MSN: variants seen among roughly 807,000 people sequenced by gnomAD.
The protein encoded by MSN is epididymis luminal protein 70.
Under a neutral mutation model 48.0 loss-of-function variants are expected in MSN, and 2 were observed. The ratio of observed to expected loss-of-function variants is 0.04; its 90% confidence interval spans 0.02 to 0.13. The LOEUF is 0.13. Ranked by LOEUF, MSN falls within the 10% of genes least tolerant of loss-of-function variation. The pLI, the probability that MSN is intolerant of heterozygous loss-of-function variation, is 1.00. For synonymous variants in MSN, 146 were observed against 166.9 expected (o/e 0.87, Z 0.97); for missense variants, 267 against 470.1 (o/e 0.57, Z 3.99).
At chrX:65,633,771 A>C (rs1176575088) in intron 1 of MSN, among the ~76,000 whole-genome samples, 1 of 112,385 alleles carries the variant, frequency 8.9e-6, no homozygotes, top group African/African-American at 3.2e-5. Context: ...TTGTAATAAT[A>C]GGAAGGAACC....
At chrX:65,727,543 A>G (rs186707163) in intron 2 of MSN, among the ~76,000 whole-genome samples, 94 of 112,107 alleles carry the variant, frequency 8.4e-4, no homozygotes, top group African/African-American at 2.9e-3. Context: ...TAGGGGTATT[A>G]TGAAAATTAA....
chrX:65,683,393 G>GCCACCA (rs535010759), intron 1 of MSN, among the ~76,000 whole-genome samples: 254 of 91,306 alleles, frequency 2.8e-3, no homozygotes, highest in East Asian at 6.9e-3. Flanking sequence ...TGCCGCCGCC[G>GCCACCA]CCACCACCAC....
intron 1 of MSN, among the ~76,000 whole-genome samples, chrX:65,696,544 G>C (rs1330349057): frequency 9.0e-6 from 1 of 110,777 alleles, no homozygotes; most frequent in Non-Finnish European, 1.9e-5. Flanking sequence ...GAAAAAACTA[G>C]ACCAAACATT....
intron 1 of MSN, among the ~76,000 whole-genome samples, chrX:65,644,119 C>A (rs966742240): frequency 8.9e-6 from 1 of 112,017 alleles, no homozygotes; most frequent in Non-Finnish European, 1.9e-5. Context: ...CAAAAGGGCT[C>A]AGTGATATGT....
intron 1 of MSN, among the ~76,000 whole-genome samples, chrX:65,649,531 A>G (rs1315235374): frequency 9.8e-6 from 1 of 101,894 alleles, no homozygotes; most frequent in African/African-American, 3.6e-5. Flanking sequence ...AGCCGAGATC[A>G]TGCCACTGTG....
chrX:65,733,407 C>T (rs757561441), intron 7 of MSN, 127 bp downstream of exon 7: 10 of 510,724 alleles, frequency 2.0e-5, no homozygotes, highest in South Asian at 1.0e-4. Context: ...CGCATGTGCA[C>T]GAACAGGAAG....
At chrX:65,719,809 C>A (rs775857019) in intron 2 of MSN, among the ~76,000 whole-genome samples, 1 of 111,727 alleles carries the variant, frequency 9.0e-6, no homozygotes, top group African/African-American at 3.2e-5. Flanking sequence ...ATGTGCATTG[C>A]AGGGGGATGG....
At chrX:65,666,500 G>A (rs1319382576), upstream of MSN, among the ~76,000 whole-genome samples, 2 of 109,966 alleles carry the variant, frequency 1.8e-5, no homozygotes, top group East Asian at 2.8e-4. Flanking sequence ...TGTAATTTTA[G>A]TAGAGACGGG....
At chrX:65,623,927 G>A (rs897996451) in intron 1 of MSN, among the ~76,000 whole-genome samples, 1 of 110,490 alleles carries the variant, frequency 9.1e-6, no homozygotes, top group Non-Finnish European at 1.9e-5. Flanking sequence ...GGTAGGTTAA[G>A]ATTTTCTATT....
At chrX:65,637,675 C>A (rs948672926) in intron 1 of MSN, among the ~76,000 whole-genome samples, 1 of 109,059 alleles carries the variant, frequency 9.2e-6, no homozygotes, top group Non-Finnish European at 1.9e-5. Context: ...TCCCTCAGTT[C>A]ATTCATGTCT....
At chrX:65,725,791 A>G (rs1397747189) in intron 2 of MSN, among the ~76,000 whole-genome samples, 1 of 111,873 alleles carries the variant, frequency 8.9e-6, no homozygotes, top group Non-Finnish European at 1.9e-5. Flanking sequence ...GATCTTTTCT[A>G]AACATGTTTC....
intron 1 of MSN, among the ~76,000 whole-genome samples, chrX:65,591,270 C>T (rs757440267): frequency 9.0e-6 from 1 of 111,536 alleles, no homozygotes; most frequent in East Asian, 2.8e-4. Flanking sequence ...TATCTCAGGT[C>T]AAAGTGAGCC....
intron 2 of MSN, 57 bp from the exon 3 acceptor site, chrX:65,727,757 G>C: frequency 7.0e-6 from 7 of 998,506 alleles, no homozygotes; most frequent in Non-Finnish European, 9.9e-6. Context: ...TGTCCTCTGT[G>C]CCTCACACAG....
At chrX:65,714,578 T>A (rs1312446728) in intron 1 of MSN, among the ~76,000 whole-genome samples, 1 of 112,229 alleles carries the variant, frequency 8.9e-6, no homozygotes, top group Non-Finnish European at 1.9e-5. Context: ...TGATGTAAAT[T>A]TTTTATATAT....
chrX:65,656,359 G>A (rs1196102538), intron 1 of MSN, among the ~76,000 whole-genome samples: 2 of 109,380 alleles, frequency 1.8e-5, no homozygotes, highest in Non-Finnish European at 3.8e-5. Context: ...AGGAGAATCT[G>A]TTCCATTAGT....
rs1232547930 is a variant in MSN at position 65,649,575 on chromosome X, CA to C, written c.-22+60977del. 6.6e-3 allele frequency among the ~76,000 whole-genome samples: 513 copies of C among 78,094 alleles called. 1 individual carries two copies. Among genetic ancestry groups the C allele is most frequent in the Admixed American group, 0.011 (70 of 6,335 alleles). 67.8% of individuals were successfully genotyped at this position (78,094 alleles called of 115,157 possible). ...TAGGTGACAGAGAGAGACTCTATCT[CA>C]AAAAAAAAAAAAATATATATATATA... is the stretch of plus-strand genomic sequence containing the variant. On this transcript the variant is annotated intron_variant, in intron 1 of 3. Transcript: ENST00000609672.
rs867969776 is a variant in MSN, at chrX:65,636,775, C to A, written c.-22+48163C>A. ...AAAAAAAAAAAAAAAAAAAAAAAAA[C>A]CAGAAAGAAAGAAAAGAAAAGAAGG... On this transcript the variant is annotated intron_variant, in intron 1 of 3. Transcript: ENST00000609672. Among the ~76,000 whole-genome samples, 586 of 68,320 alleles carry A rather than the reference C, an allele frequency of 8.6e-3. 21 individuals carry two copies. The highest frequency in any genetic ancestry group is 0.045 in the African/African-American group (541 of 11,912). 59.3% of individuals were successfully genotyped at this position (68,320 alleles called of 115,157 possible). A position where few individuals can be genotyped will look rare whatever the true frequency, so the allele number is the denominator to read the frequency against.
chrX:65,598,488 G>T (rs1041407676), intron 1 of MSN, among the ~76,000 whole-genome samples: 3 of 111,490 alleles, frequency 2.7e-5, no homozygotes, highest in Non-Finnish European at 3.8e-5. Context: ...TAATATGATA[G>T]TGGACATACC....
intron 1 of MSN, among the ~76,000 whole-genome samples, chrX:65,660,969 GT>G (rs1486001703): frequency 9.2e-6 from 1 of 108,400 alleles, no homozygotes; most frequent in South Asian, 3.9e-4. Context: ...TGTTTGTTTT[GT>G]TTTGTTTTTT....
Sources: allele counts gnomAD v4.1 joint callset (sites outside exome capture counted in the v4.1 genomes callset), GRCh38; gene constraint gnomAD v4.1.1; transcripts MANE v1.5; gene names NCBI Gene and HGNC (gene_info 2026-07-23, HGNC 2026-07-21).